ELP4: variants seen among roughly 807,000 people sequenced by gnomAD.
The protein encoded by ELP4 is elongator complex protein 4.
ELP4 carries 51 observed loss-of-function variants against 48.9 expected under a neutral mutation model. The observed-to-expected ratio is 1.04, with a 90% CI of 0.83 to 1.32. The LOEUF (loss-of-function observed/expected upper bound fraction) is 1.32, where lower values mean the gene tolerates loss of function less well. Ranked by LOEUF, ELP4 falls within the 40% of genes most tolerant of loss-of-function variation. ELP4 has a pLI of 0.00. For missense variants in ELP4, 519 were observed against 514.6 expected (o/e 1.01, Z -0.08); for synonymous variants, 210 against 189.2 (o/e 1.11, Z -0.90).
At chr11:31,750,087 A>G (rs1592279634) in intron 9 of ELP4, among the ~76,000 whole-genome samples, 1 of 151,918 alleles carries the variant, frequency 6.6e-6, no homozygotes, top group African/African-American at 2.4e-5. Flanking sequence ...GATGGTCTCA[A>G]TCTTCTGACC....
At chr11:31,635,553 T>C (rs1944957098) in intron 7 of ELP4, among the ~76,000 whole-genome samples, 1 of 151,952 alleles carries the variant, frequency 6.6e-6, no homozygotes, top group Non-Finnish European at 1.5e-5. Flanking sequence ...CATTCGATGA[T>C]AGAAAGAACC....
At chr11:31,644,062 T>TAGA (rs1945153009) in intron 7 of ELP4, among the ~76,000 whole-genome samples, 2 of 151,894 alleles carry the variant, frequency 1.3e-5, no homozygotes, top group Admixed American at 6.6e-5. Context: ...GCTTCCCTCC[T>TAGA]AGTCATGTCT....
chr11:31,544,070 G>A (rs985930414), intron 3 of ELP4, among the ~76,000 whole-genome samples: 1 of 152,228 alleles, frequency 6.6e-6, no homozygotes. Flanking sequence ...CAGCGTGAGC[G>A]ACGCAGAAGA....
In ELP4 at chr11:31,744,965, T is replaced by C. The variant is rs1204748948; in HGVS notation, c.1144-38428T>C. ...AAGTCAAATTGTCCCTGTTTGCAGA[T>C]GACATGATTGTATATCTAGAAAACC... On this transcript the variant is annotated intron_variant, in intron 9 of 9. Coordinates refer to ENST00000640961, the MANE Select transcript of ELP4 (RefSeq NM_019040.5). Among the ~76,000 whole-genome samples, 3 of 152,090 alleles carry C rather than the reference T, an allele frequency of 2.0e-5. No individual in the cohort carries two copies. The East Asian group carries it at 5.8e-4, about 29-fold the overall frequency.
chr11:31,552,658 A>C (rs1287043165), intron 3 of ELP4, among the ~76,000 whole-genome samples: 1 of 152,112 alleles, frequency 6.6e-6, no homozygotes, highest in African/African-American at 2.4e-5. Context: ...TAAATTGTTT[A>C]TTGCTTGGCC....
At chr11:31,661,675 TA>T (rs35420305) in intron 9 of ELP4, among the ~76,000 whole-genome samples, 91,993 of 151,750 alleles carry the variant, frequency 0.61, 31,660 homozygotes, top group Non-Finnish European at 0.76. Flanking sequence ...GTGTGACCAT[TA>T]AAAAAACTCA....
chr11:31,781,987 T>C (rs1948388005), intron 9 of ELP4, among the ~76,000 whole-genome samples: 1 of 152,184 alleles, frequency 6.6e-6, no homozygotes, highest in African/African-American at 2.4e-5. Context: ...TACTAAGGAA[T>C]AGTTCTGTAT....
chr11:31,660,680 G>A (rs1311286636), intron 9 of ELP4, among the ~76,000 whole-genome samples: 4 of 151,860 alleles, frequency 2.6e-5, no homozygotes, highest in African/African-American at 9.7e-5. Context: ...CCATATTTAA[G>A]TGTAGCAAAA....
At chr11:31,743,599 A>T (rs1284353577) in intron 9 of ELP4, among the ~76,000 whole-genome samples, 1 of 152,212 alleles carries the variant, frequency 6.6e-6, no homozygotes, top group East Asian at 1.9e-4. Flanking sequence ...AAACTCACTC[A>T]AAACCGCTCA....
chr11:31,515,891 A>G (rs965622363), intron 1 of ELP4, among the ~76,000 whole-genome samples: 5 of 152,306 alleles, frequency 3.3e-5, no homozygotes, highest in Admixed American at 2.0e-4. Flanking sequence ...CGGGCGGATC[A>G]CGAGGTCAGG....
At chr11:31,626,130 A>G (rs1304254311) in intron 5 of ELP4, among the ~76,000 whole-genome samples, 1 of 151,740 alleles carries the variant, frequency 6.6e-6, no homozygotes, top group Admixed American at 6.6e-5. Context: ...CCTACCATTG[A>G]TTTTGCACAC....
chr11:31,730,192 C>T (rs986977403), intron 9 of ELP4, among the ~76,000 whole-genome samples: 4 of 152,148 alleles, frequency 2.6e-5, no homozygotes, highest in East Asian at 1.9e-4. Context: ...ATTTGTGCTA[C>T]TATAACAAAA....
At chr11:31,622,571 T>A (rs1944647468) in intron 5 of ELP4, among the ~76,000 whole-genome samples, 1 of 151,704 alleles carries the variant, frequency 6.6e-6, no homozygotes, top group African/African-American at 2.4e-5. Flanking sequence ...TTTTTTTATC[T>A]TTCTTAATAA....
chr11:31,765,280 G>C (rs1948020244), intron 9 of ELP4, among the ~76,000 whole-genome samples: 1 of 152,062 alleles, frequency 6.6e-6, no homozygotes, highest in African/African-American at 2.4e-5. Context: ...ACAACCAAAA[G>C]CATACACTTT....
At chr11:31,658,842 C>T (rs1476854398) in intron 9 of ELP4, among the ~76,000 whole-genome samples, 2 of 151,902 alleles carry the variant, frequency 1.3e-5, no homozygotes, top group Admixed American at 1.3e-4. Context: ...TTTTCCTCCC[C>T]TGTCATCATA....
intron 1 of ELP4, among the ~76,000 whole-genome samples, chr11:31,515,283 TA>T (rs1356277166): frequency 6.6e-6 from 1 of 152,132 alleles, no homozygotes; most frequent in African/African-American, 2.4e-5. Flanking sequence ...TATTTGGTGA[TA>T]AAAATGATTT....
intron 2 of ELP4, among the ~76,000 whole-genome samples, chr11:31,528,744 G>A (rs1248774855): frequency 6.6e-6 from 1 of 152,082 alleles, no homozygotes; most frequent in Non-Finnish European, 1.5e-5. Flanking sequence ...GGAAAAGAAT[G>A]AGCAAATATT....
chr11:31,671,336 G>A (rs1377630437), intron 9 of ELP4, among the ~76,000 whole-genome samples: 2 of 152,116 alleles, frequency 1.3e-5, no homozygotes, highest in African/African-American at 4.8e-5. Context: ...GCAAGCTTGA[G>A]AGCAAAAATG....
At chr11:31,528,905 T>C (rs531758547) in intron 2 of ELP4, among the ~76,000 whole-genome samples, 1 of 152,164 alleles carries the variant, frequency 6.6e-6, no homozygotes, top group South Asian at 2.1e-4. Context: ...ATTTAACTGT[T>C]TTATTCAGTG....
Sources: gnomAD v4.1 joint callset for allele counts (sites outside exome capture counted in the v4.1 genomes callset) on GRCh38, gnomAD v4.1.1 for gene constraint, MANE v1.5 for transcripts, NCBI Gene and HGNC (gene_info 2026-07-23, HGNC 2026-07-21) for gene names.